The following DENND2C variants were observed in gnomAD, a reference collection of about 807,000 sequenced individuals.
DENND2C encodes DENN domain-containing protein 2C.
In DENND2C, 72 loss-of-function variants were observed where a neutral mutation model predicts 112.4. The observed-to-expected ratio is 0.64, with a 90% CI of 0.53 to 0.78. The LOEUF is 0.78. Among genes scored for constraint, DENND2C ranks in the 30% least tolerant of loss-of-function variants. The probability of loss-of-function intolerance (pLI) is 0.00; values close to 1 mark genes in which losing one functional copy is unlikely to be tolerated. For missense variants in DENND2C, 992 were observed against 1,113.8 expected (o/e 0.89, Z 1.56); for synonymous variants, 329 against 381.6 (o/e 0.86, Z 1.61).
intron 1 of DENND2C, among the ~76,000 whole-genome samples, chr1:114,667,196 C>G (rs1359978753): frequency 6.6e-6 from 1 of 152,202 alleles, no homozygotes; most frequent in Non-Finnish European, 1.5e-5. Flanking sequence ...TAATCGTCCT[C>G]CCTACCACAC....
intron 8 of DENND2C, 41 bp from the exon 9 acceptor site, chr1:114,611,158 G>A: frequency 6.2e-7 from 1 of 1,610,298 alleles, no homozygotes. Context: ...TTGTCCAACA[G>A]TAGGAAGTAC....
intron 3 of DENND2C, among the ~76,000 whole-genome samples, chr1:114,630,704 TA>T (rs1656466292): frequency 6.6e-6 from 1 of 152,324 alleles, no homozygotes; most frequent in African/African-American, 2.4e-5. Context: ...TCCAGAAATC[TA>T]CATAGAGTCC....
At chr1:114,631,071 C>G (rs986027492) in intron 3 of DENND2C, among the ~76,000 whole-genome samples, 4 of 152,208 alleles carry the variant, frequency 2.6e-5, no homozygotes, top group African/African-American at 9.6e-5. Context: ...AATCCAGACA[C>G]CCAGCAATGT....
chr1:114,609,602 A>G (rs1369103249), intron 9 of DENND2C, among the ~76,000 whole-genome samples: 3 of 152,330 alleles, frequency 2.0e-5, no homozygotes, highest in East Asian at 3.9e-4. Context: ...TTATCTCTAA[A>G]TTTTGAGCAA....
chr1:114,665,873 C>G (rs1408374008), intron 1 of DENND2C, among the ~76,000 whole-genome samples: 1 of 152,206 alleles, frequency 6.6e-6, no homozygotes, highest in African/African-American at 2.4e-5. Flanking sequence ...GCAATTTCAT[C>G]TGCTCTTACG....
Position 114,594,575 on chromosome 1 carries a change from A to G in DENND2C, c.2329T>C (p.Ser777Pro). ...LCADKFLQEV[S>P]DEDEILPPKL... Reference sequence around the variant, plus strand: ...GGTGGTAGAATTTCATCCTCATCAGATACCTTAAGAAGAAAAAAAAATGGA... The same window carrying G: ...GGTGGTAGAATTTCATCCTCATCAGGTACCTTAAGAAGAAAAAAAAATGGA... The change falls in exon 18 of 21, where the codon TCT (serine) becomes CCT (proline). Residue 777 changes from serine (S) to proline (P), a missense_variant. Ser to Pro is a moderately conservative substitution (Grantham distance 74). This residue lies in a region of DENND2C where 516 missense variants were observed against 623.6 expected (regional missense o/e 0.83). Coordinates refer to ENST00000393274, the MANE Select transcript of DENND2C (RefSeq NM_001256404.2). The G allele has an allele frequency of 6.2e-7, 1 of 1,611,686 alleles. No homozygotes were observed. Among genetic ancestry groups the G allele is most frequent in the Non-Finnish European group, 8.5e-7 (1 of 1,178,998 alleles).
chr1:114,598,425 T>C (rs1029959018), intron 16 of DENND2C, among the ~76,000 whole-genome samples: 3 of 151,356 alleles, frequency 2.0e-5, no homozygotes, highest in Admixed American at 6.6e-5. Context: ...CAAAGCTGAA[T>C]TACATTGCTT....
At chr1:114,616,454 C>T (rs1210684316) in intron 8 of DENND2C, among the ~76,000 whole-genome samples, 1 of 152,044 alleles carries the variant, frequency 6.6e-6, no homozygotes, top group African/African-American at 2.4e-5. Context: ...AAACATTCTC[C>T]TCTGCTATGA....
intron 4 of DENND2C, among the ~76,000 whole-genome samples, chr1:114,624,196 C>T (rs1486444073): frequency 6.6e-6 from 1 of 152,150 alleles, no homozygotes; most frequent in African/African-American, 2.4e-5. Context: ...CATTGGGTTC[C>T]TTTATTAAGC....
intron 1 of DENND2C, among the ~76,000 whole-genome samples, chr1:114,668,065 C>T (rs984402855): frequency 6.6e-6 from 1 of 152,112 alleles, no homozygotes; most frequent in African/African-American, 2.4e-5. Context: ...ATGGAATCTC[C>T]TAGATGACAG....
intron 8 of DENND2C, among the ~76,000 whole-genome samples, chr1:114,613,506 A>T (rs574132419): frequency 6.6e-6 from 1 of 152,228 alleles, no homozygotes; most frequent in African/African-American, 2.4e-5. Context: ...TTATAACTCA[A>T]AATTAACCAC....
At chr1:114,667,908 TTAAG>T (rs1657689397) in intron 1 of DENND2C, among the ~76,000 whole-genome samples, 1 of 152,180 alleles carries the variant, frequency 6.6e-6, no homozygotes, top group Non-Finnish European at 1.5e-5. Context: ...GTTGTGAGGA[TTAAG>T]TAAGCTAATA....
Position 114,645,469 on chromosome 1 carries a change from G to C in DENND2C, c.-226C>G, listed in dbSNP as rs1656954894. 1 of 152,186 alleles carries C rather than the reference G, an allele frequency of 6.6e-6. No individual in the cohort carries two copies. Among genetic ancestry groups the C allele is most frequent in the South Asian group, 2.1e-4 (1 of 4,822 alleles). The allele number at this position is 152,186 out of a possible 1,614,324, so 9.4% of individuals were successfully genotyped here. A position where few individuals can be genotyped will look rare whatever the true frequency, so the allele number is the denominator to read the frequency against. ...TTACCCTGTTGGCACCTTGATGTTA[G>C]ATTTCTACAGCCTCCAGACTTGTGA... On this transcript the variant is annotated 5_prime_UTR_variant, in exon 3 of 21. In the 5' UTR this introduces an upstream ATG that the reference lacks. Coordinates refer to ENST00000393274, the MANE Select transcript of DENND2C (RefSeq NM_001256404.2).
Position 114,623,569 on chromosome 1 carries a change from C to T in DENND2C, c.881G>A (p.Arg294Lys). 5 of 1,610,186 alleles carry T rather than the reference C, an allele frequency of 3.1e-6. No homozygotes were observed. The highest frequency in any genetic ancestry group is 4.2e-6 in the Non-Finnish European group (5 of 1,178,226). The change falls in exon 5 of 21, where the codon AGA becomes AAA. Residue 294 changes from arginine to lysine, a missense_variant. Coordinates refer to ENST00000393274, the MANE Select transcript of DENND2C (RefSeq NM_001256404.2). ...GTAATAAAGTGCTGACCCAGAATTTCTTCCAAGTTCTTCACGAATCGTCTG... is the reference window on the plus strand; with the variant it reads ...GTAATAAAGTGCTGACCCAGAATTTTTTCCAAGTTCTTCACGAATCGTCTG... ...NSQTIREELG[R>K]NSGSALYYTQ...
At chr1:114,637,520 AT>A (rs1013066481) in intron 3 of DENND2C, among the ~76,000 whole-genome samples, 53 of 147,136 alleles carry the variant, frequency 3.6e-4, no homozygotes, top group East Asian at 1.0e-3. Context: ...AATATTCAAG[AT>A]TTTTTTTTTT....
At chr1:114,613,877 TATA>T (rs1403939458) in intron 8 of DENND2C, among the ~76,000 whole-genome samples, 1 of 152,160 alleles carries the variant, frequency 6.6e-6, no homozygotes, top group Non-Finnish European at 1.5e-5. Flanking sequence ...CACACAAAAT[TATA>T]ATGACAGAAT....
At chr1:114,667,493 G>C (rs1657677699) in intron 1 of DENND2C, among the ~76,000 whole-genome samples, 1 of 152,036 alleles carries the variant, frequency 6.6e-6, no homozygotes, top group Non-Finnish European at 1.5e-5. Flanking sequence ...ATATTGTTAA[G>C]ATAATGCCAT....
rs1176632853 is a variant in DENND2C at position 114,635,880 on chromosome 1, C to G, written c.-205+9568G>C. On this transcript the variant is annotated intron_variant, in intron 3 of 20. Transcript: ENST00000393274. ...AAGTAGCCAGGCATAGTGGCGTGCACCTATAATCCCAGTTTCTTGAAAGAC... is the reference window on the plus strand; with the variant it reads ...AAGTAGCCAGGCATAGTGGCGTGCAGCTATAATCCCAGTTTCTTGAAAGAC... Among the ~76,000 whole-genome samples, 3 of 151,944 alleles carry G rather than the reference C, an allele frequency of 2.0e-5. No homozygotes were observed. In the East Asian group the frequency reaches 5.8e-4, roughly 29 times the overall value.
intron 11 of DENND2C, among the ~76,000 whole-genome samples, chr1:114,604,055 C>T (rs1339969778): frequency 6.6e-6 from 1 of 152,098 alleles, no homozygotes; most frequent in Non-Finnish European, 1.5e-5. Flanking sequence ...AGCAGCCAGG[C>T]CACTATGAAA....
Sources: allele counts gnomAD v4.1 joint callset (sites outside exome capture counted in the v4.1 genomes callset), GRCh38; gene constraint gnomAD v4.1.1; regional missense constraint gnomAD v4.1.1; transcripts MANE v1.5; gene names NCBI Gene and HGNC (gene_info 2026-07-23, HGNC 2026-07-21).